Variants in DPH6 observed in about 807,000 individuals in gnomAD.
DPH6 encodes diphthamine biosynthesis 6, also known as diphthine--ammonia ligase.
A neutral mutation model predicts 38.2 loss-of-function variants in DPH6; 33 were observed. The ratio of observed to expected loss-of-function variants is 0.86; its 90% CI spans 0.65 to 1.15. DPH6 has a LOEUF of 1.15. Ranked by LOEUF, DPH6 falls within the 50% of genes most tolerant of loss-of-function variation. The pLI, the probability that DPH6 is intolerant of heterozygous loss-of-function variation, is 0.00. For missense variants in DPH6, 325 were observed against 320.0 expected (o/e 1.02, Z -0.12); for synonymous variants, 108 against 103.0 (o/e 1.05, Z -0.30).
At chr15:35,412,744 A>G (rs539943480) in intron 5 of DPH6, among the ~76,000 whole-genome samples, 1 of 151,884 alleles carries the variant, frequency 6.6e-6, no homozygotes, top group South Asian at 2.1e-4. Flanking sequence ...TACATATGGT[A>G]TGATTCCAAC....
At chr15:35,466,295 A>T (rs2054125672) in intron 3 of DPH6, among the ~76,000 whole-genome samples, 1 of 152,198 alleles carries the variant, frequency 6.6e-6, no homozygotes, top group African/African-American at 2.4e-5. Flanking sequence ...AAGCAACAAA[A>T]ATAAATAAGG....
the DPH6 span, among the ~76,000 whole-genome samples, chr15:35,206,523 T>C: frequency 6.6e-6 from 1 of 152,166 alleles, no homozygotes; most frequent in Non-Finnish European, 1.5e-5. Context: ...CTTCTGTCAC[T>C]TCTGAGATCC....
chr15:35,371,409 C>A lies in DPH6; in HGVS notation c.*741G>T, dbSNP rs753026212. On this transcript the variant is annotated 3_prime_UTR_variant, in exon 9 of 9. Transcript: ENST00000256538. ...CATCAGTTGTAACAAATGTACCACTCTATTATAAGACATTGACGGTAGGGG... is the reference window on the plus strand; with the variant it reads ...CATCAGTTGTAACAAATGTACCACTATATTATAAGACATTGACGGTAGGGG... 81 of 216,228 alleles carry A rather than the reference C, an allele frequency of 3.7e-4. No individual in the cohort carries two copies. Among genetic ancestry groups the A allele is most frequent in the African/African-American group, 1.9e-3 (80 of 42,518 alleles). The allele number at this position is 216,228 out of a possible 1,614,324, so 13.4% of individuals were successfully genotyped here. A position where few individuals can be genotyped will look rare whatever the true frequency, so the allele number is the denominator to read the frequency against.
At position 35,454,733 on chromosome 15, in the gene DPH6, T is replaced by C; in HGVS notation, c.386+14A>G. ...ACATACACTTTTAAAACTAACAAATTAATGTTTTCTTACACATTTTCCACT... is the reference window on the plus strand; with the variant it reads ...ACATACACTTTTAAAACTAACAAATCAATGTTTTCTTACACATTTTCCACT... On this transcript the variant is annotated intron_variant, in intron 4 of 8. Coordinates refer to ENST00000256538, the MANE Select transcript of DPH6 (RefSeq NM_080650.4). The C allele has an allele frequency of 6.3e-7, 1 of 1,595,308 alleles. No homozygotes were observed. Among genetic ancestry groups the C allele is most frequent in the Non-Finnish European group, 8.6e-7 (1 of 1,168,018 alleles).
chr15:35,245,932 G>C (rs138048120), intron 3 of DPH6, among the ~76,000 whole-genome samples: 39 of 152,302 alleles, frequency 2.6e-4, no homozygotes, highest in African/African-American at 9.4e-4. Flanking sequence ...TATACATCCA[G>C]ATGGCCTGAA....
At chr15:35,298,644 T>C in intron 3 of DPH6, 1 of 1,133,620 alleles carries the variant, frequency 8.8e-7, no homozygotes, top group Admixed American at 1.7e-5. Flanking sequence ...AGCTTGCTGG[T>C]CTTCTCCACC....
At chr15:35,156,349 T>C in the DPH6 span, among the ~76,000 whole-genome samples, 3 of 152,202 alleles carry the variant, frequency 2.0e-5, no homozygotes, top group African/African-American at 7.2e-5. Context: ...ACATCTGGAA[T>C]ATTACATTTA....
intron 3 of DPH6, among the ~76,000 whole-genome samples, chr15:35,323,734 C>T (rs2052259701): frequency 6.6e-6 from 1 of 152,128 alleles, no homozygotes; most frequent in Admixed American, 6.6e-5. Context: ...ATTCTTTTCA[C>T]AATTACTAAT....
chr15:35,159,087 C>T, the DPH6 span, among the ~76,000 whole-genome samples: 1 of 152,080 alleles, frequency 6.6e-6, no homozygotes, highest in Non-Finnish European at 1.5e-5. Context: ...CACCCATACC[C>T]TTTCCTTTTT....
intron 3 of DPH6, among the ~76,000 whole-genome samples, chr15:35,226,033 G>A (rs1486662228): frequency 6.6e-6 from 1 of 152,146 alleles, no homozygotes; most frequent in African/African-American, 2.4e-5. Flanking sequence ...GACTGCTTGA[G>A]TCCAGGCTTC....
intron 3 of DPH6, 88 bp from the exon 4 acceptor site, chr15:35,454,908 C>T: frequency 1.0e-6 from 1 of 993,476 alleles, no homozygotes; most frequent in Non-Finnish European, 1.5e-6. Flanking sequence ...TGAACTGTGT[C>T]TCATCTAGAA....
At chr15:35,501,183 TATC>T (rs1178638093) in intron 3 of DPH6, among the ~76,000 whole-genome samples, 1 of 152,188 alleles carries the variant, frequency 6.6e-6, no homozygotes, top group Non-Finnish European at 1.5e-5. Context: ...TTTCCCCTAA[TATC>T]ATAATGACAA....
intron 6 of DPH6, among the ~76,000 whole-genome samples, chr15:35,395,274 C>A (rs1360562211): frequency 6.6e-6 from 1 of 152,108 alleles, no homozygotes; most frequent in Admixed American, 6.6e-5. Flanking sequence ...GGTTAAATAC[C>A]GTGAGCTCTC....
At chr15:35,394,913 C>G (rs2053111285) in intron 6 of DPH6, among the ~76,000 whole-genome samples, 1 of 152,114 alleles carries the variant, frequency 6.6e-6, no homozygotes, top group South Asian at 2.1e-4. Context: ...CCAAACAAAA[C>G]CAGGACATAA....
At chr15:35,396,953 G>C (rs2053141959) in intron 6 of DPH6, among the ~76,000 whole-genome samples, 2 of 152,186 alleles carry the variant, frequency 1.3e-5, no homozygotes, top group Non-Finnish European at 2.9e-5. Flanking sequence ...AACTGGGACT[G>C]CAAGTTGTGC....
intron 3 of DPH6, among the ~76,000 whole-genome samples, chr15:35,471,623 C>A (rs1378908743): frequency 1.3e-5 from 2 of 152,164 alleles, no homozygotes; most frequent in Non-Finnish European, 2.9e-5. Flanking sequence ...TCTTACTCTT[C>A]GTTCAACCCT....
At chr15:35,401,604 C>T (rs2053220500) in intron 6 of DPH6, 2 of 764,110 alleles carry the variant, frequency 2.6e-6, no homozygotes, top group East Asian at 2.4e-5. Flanking sequence ...TTGGCAATTA[C>T]AACAATCATC....
chr15:35,318,943 T>C (rs2052216679), intron 3 of DPH6, among the ~76,000 whole-genome samples: 1 of 152,200 alleles, frequency 6.6e-6, no homozygotes, highest in African/African-American at 2.4e-5. Context: ...TTTTTATTTA[T>C]AAACTTTGTT....
rs976912939 is a variant in DPH6 at position 35,377,624 on chromosome 15, C to T, written c.663-4016G>A. Among the ~76,000 whole-genome samples, 12 of 152,158 alleles carry T rather than the reference C, an allele frequency of 7.9e-5. No homozygotes were observed. In the East Asian group the frequency reaches 2.3e-3, roughly 29 times the overall value. On this transcript the variant is annotated intron_variant, in intron 7 of 8. Coordinates refer to ENST00000256538, the MANE Select transcript of DPH6 (RefSeq NM_080650.4). Reference sequence around the variant, plus strand: ...TAGGCTATAATTCTTCTCAGGAGGGCTTCTCAGGGAAAAAACTCATTTTCT... The same window carrying T: ...TAGGCTATAATTCTTCTCAGGAGGGTTTCTCAGGGAAAAAACTCATTTTCT...
Sources: gnomAD v4.1 joint callset for allele counts (sites outside exome capture counted in the v4.1 genomes callset) on GRCh38, gnomAD v4.1.1 for gene constraint, MANE v1.5 for transcripts, NCBI Gene and HGNC (gene_info 2026-07-23, HGNC 2026-07-21) for gene names.